Variants in CHST8 observed in about 807,000 individuals in gnomAD.
CHST8 encodes carbohydrate sulfotransferase 8.
A neutral mutation model predicts 15.0 loss-of-function variants in CHST8; 10 were observed. The observed-to-expected ratio is 0.67, with a 90% CI of 0.41 to 1.13. The LOEUF is 1.13. CHST8 is among the 50% of genes most tolerant of loss of function. CHST8 has a pLI of 0.00. For synonymous variants in CHST8, 259 were observed against 256.6 expected, an observed-to-expected ratio of 1.01 and a Z score of -0.09; for missense variants, 634 against 608.2, an observed-to-expected ratio of 1.04 and a Z score of -0.45.
chr19:33,732,775 G>A (rs1056013429), intron 3 of CHST8, among the ~76,000 whole-genome samples: 10 of 152,030 alleles, frequency 6.6e-5, no homozygotes, highest in African/African-American at 2.4e-4. Context: ...AAGGCAGTGG[G>A]GCATGTGCAT....
chr19:33,746,821 T>TGTTC (rs1476832025), intron 3 of CHST8, among the ~76,000 whole-genome samples: 2 of 151,744 alleles, frequency 1.3e-5, no homozygotes, highest in African/African-American at 4.8e-5. Context: ...TGGTACATTT[T>TGTTC]GTTCTTTTTT....
At chr19:33,641,795 C>G (rs1012013763) in intron 1 of CHST8, among the ~76,000 whole-genome samples, 4 of 152,034 alleles carry the variant, frequency 2.6e-5, no homozygotes, top group African/African-American at 7.2e-5. Flanking sequence ...GTGGGACTCC[C>G]GCTGTCATCG....
At chr19:33,629,622 G>C (rs187233023) in intron 1 of CHST8, among the ~76,000 whole-genome samples, 1 of 152,210 alleles carries the variant, frequency 6.6e-6, no homozygotes, top group Non-Finnish European at 1.5e-5. Context: ...CCCATTTCCC[G>C]TTGTGCCCAT....
intron 3 of CHST8, among the ~76,000 whole-genome samples, chr19:33,702,613 C>T (rs1006458650): frequency 2.0e-5 from 3 of 152,218 alleles, no homozygotes; most frequent in South Asian, 2.1e-4. Context: ...CAGGCGGTTC[C>T]GATGCTTGTC....
intron 2 of CHST8, among the ~76,000 whole-genome samples, chr19:33,678,701 T>C (rs1308940028): frequency 6.6e-6 from 1 of 152,158 alleles, no homozygotes; most frequent in Non-Finnish European, 1.5e-5. Flanking sequence ...ATTGCATCTC[T>C]GCACTCCAGC....
intron 3 of CHST8, chr19:33,744,526 C>G (rs1264721590): frequency 6.6e-6 from 1 of 151,986 alleles, no homozygotes; most frequent in Non-Finnish European, 1.5e-5. Flanking sequence ...TGCCAAGAGT[C>G]ACCCTTCAGA....
chr19:33,686,472 C>T lies in CHST8; in HGVS notation c.-86-2704C>T, dbSNP rs62103463. The stretch of plus-strand genomic sequence containing the variant: ...AGACAGACTGGGGAGAAGAGAGGAC[C>T]GGCCAGCTCTCTTGTAACCACTCTG... On this transcript the variant is annotated intron_variant, in intron 2 of 4. Coordinates refer to ENST00000650847, the MANE Select transcript of CHST8 (RefSeq NM_001127895.2). 6.1e-3 allele frequency among the ~76,000 whole-genome samples: 924 copies of T among 152,244 alleles called. 3 individuals carry two copies. The highest frequency in any genetic ancestry group is 0.02 in the Middle Eastern group (6 of 294).
chr19:33,648,626 G>A (rs55851006), intron 1 of CHST8, among the ~76,000 whole-genome samples: 1 of 152,106 alleles, frequency 6.6e-6, no homozygotes, highest in Admixed American at 6.6e-5. Flanking sequence ...TATAATCCCA[G>A]CACTCTTGGA....
intron 2 of CHST8, among the ~76,000 whole-genome samples, chr19:33,674,229 G>C (rs1465461849): frequency 6.6e-6 from 1 of 152,178 alleles, no homozygotes; most frequent in East Asian, 1.9e-4. Flanking sequence ...ACAGAGGAGG[G>C]AAGTCATCGC....
chr19:33,655,108 C>T (rs1006634792), intron 1 of CHST8, among the ~76,000 whole-genome samples: 3 of 152,182 alleles, frequency 2.0e-5, no homozygotes, highest in African/African-American at 4.8e-5. Flanking sequence ...GTGATCTCAG[C>T]TCACTGCAGC....
At chr19:33,691,235 G>A (rs903891288) in intron 3 of CHST8, among the ~76,000 whole-genome samples, 4 of 152,192 alleles carry the variant, frequency 2.6e-5, no homozygotes, top group African/African-American at 9.6e-5. Context: ...TGGGAAGATC[G>A]GATCCTCAGG....
intron 1 of CHST8, among the ~76,000 whole-genome samples, chr19:33,629,994 T>C (rs1183720003): frequency 6.6e-6 from 1 of 152,240 alleles, no homozygotes; most frequent in Non-Finnish European, 1.5e-5. Context: ...CAGCAGCCCC[T>C]AGCCCGGGCA....
intron 1 of CHST8, among the ~76,000 whole-genome samples, chr19:33,654,667 C>T (rs1044993710): frequency 1.3e-5 from 2 of 151,914 alleles, no homozygotes; most frequent in Admixed American, 6.6e-5. Context: ...TGGGAGGCTT[C>T]CCCCTGCCTC....
chr19:33,741,740 A>G (rs1974198221), intron 3 of CHST8, among the ~76,000 whole-genome samples: 2 of 151,494 alleles, frequency 1.3e-5, no homozygotes, highest in South Asian at 2.1e-4. Context: ...GCTAATCTCT[A>G]TGAGACCCCC....
At chr19:33,637,737 C>G (rs1157538381) in intron 1 of CHST8, among the ~76,000 whole-genome samples, 2 of 145,900 alleles carry the variant, frequency 1.4e-5, no homozygotes, top group African/African-American at 5.0e-5. Flanking sequence ...GTGGCTCACG[C>G]CTGTAATCCC....
intron 3 of CHST8, among the ~76,000 whole-genome samples, chr19:33,759,712 T>C (rs1974678813): frequency 6.6e-6 from 1 of 152,152 alleles, no homozygotes; most frequent in South Asian, 2.1e-4. Context: ...TCCACAGGGA[T>C]CTGTCCTCCT....
intron 3 of CHST8, among the ~76,000 whole-genome samples, chr19:33,713,106 C>G (rs1973592598): frequency 6.6e-6 from 1 of 152,144 alleles, no homozygotes; most frequent in Admixed American, 6.5e-5. Context: ...CAACCCCAGC[C>G]TCCTCTGACA....
intron 3 of CHST8, among the ~76,000 whole-genome samples, chr19:33,692,911 C>T (rs900429365): frequency 6.6e-6 from 1 of 152,172 alleles, no homozygotes; most frequent in Non-Finnish European, 1.5e-5. Context: ...CTGGCCCCAT[C>T]CATAGCACCA....
At chr19:33,642,571 C>T (rs2145202148) in intron 1 of CHST8, among the ~76,000 whole-genome samples, 1 of 152,252 alleles carries the variant, frequency 6.6e-6, no homozygotes, top group Non-Finnish European at 1.5e-5. Context: ...CCATGTTGGC[C>T]AGGCTGGTCT....
Sources: allele counts gnomAD v4.1 joint callset (sites outside exome capture counted in the v4.1 genomes callset), GRCh38; gene constraint gnomAD v4.1.1; transcripts MANE v1.5; gene names NCBI Gene and HGNC (gene_info 2026-07-23, HGNC 2026-07-21).